The following SSBP3 variants were observed in gnomAD, a reference collection of about 807,000 sequenced individuals.
The protein encoded by SSBP3 is single stranded DNA binding protein 3.
SSBP3 carries 5 observed loss-of-function variants against 69.6 expected under a neutral mutation model. That is an observed-to-expected ratio of 0.07 (90% CI 0.04 to 0.15). SSBP3 has a LOEUF of 0.15. Among genes scored for constraint, SSBP3 ranks in the 10% least tolerant of loss-of-function variants. The probability of loss-of-function intolerance (pLI) is 1.00; values close to 1 mark genes in which losing one functional copy is unlikely to be tolerated. For missense variants in SSBP3, 312 were observed against 534.0 expected, an observed-to-expected ratio of 0.58 and a Z score of 4.10; for synonymous variants, 196 against 193.4, an observed-to-expected ratio of 1.01 and a Z score of -0.11.
chr1:54,246,499 G>A (rs1415072119), intron 9 of SSBP3, among the ~76,000 whole-genome samples: 1 of 152,076 alleles, frequency 6.6e-6, no homozygotes, highest in Non-Finnish European at 1.5e-5. Flanking sequence ...GTCTCAGCAC[G>A]GAGTGGGGTG....
intron 2 of SSBP3, 93 bp from the exon 3 acceptor site, chr1:54,404,730 A>T (rs1183702070): frequency 1.0e-5 from 15 of 1,459,680 alleles, no homozygotes; most frequent in Non-Finnish European, 1.4e-5. Flanking sequence ...ACCAACTAAC[A>T]ATAAATGCCA....
intron 4 of SSBP3, among the ~76,000 whole-genome samples, chr1:54,371,774 C>T (rs767780969): frequency 1.3e-5 from 2 of 152,208 alleles, no homozygotes; most frequent in Non-Finnish European, 2.9e-5. Flanking sequence ...CCAAAGCTGA[C>T]AGGCTCCTGG....
At position 54,243,926 on chromosome 1, in the gene SSBP3, G is replaced by GTT. The variant is rs200412407; in HGVS notation, c.652-629_652-628dup. Among the ~76,000 whole-genome samples the GTT allele has an allele frequency of 9.9e-5, 15 of 151,806 alleles. No homozygotes were observed. In the South Asian group the frequency reaches 1.3e-3, roughly 13 times the overall value. ...AGGGATCATCACTATGTGTGTGTGA[G>GTT]TTTTTTTTTGTTTTGTTTGTTGAGA... is the stretch of plus-strand genomic sequence containing the variant. On this transcript the variant is annotated intron_variant, in intron 9 of 17. Transcript: ENST00000610401.
chr1:54,387,072 C>A (rs1204365979), intron 4 of SSBP3, among the ~76,000 whole-genome samples: 4 of 152,168 alleles, frequency 2.6e-5, no homozygotes, highest in South Asian at 2.1e-4. Flanking sequence ...CCGTTCCATC[C>A]GTCTGTCTTC....
chr1:54,242,916 C>T (rs540575507), intron 10 of SSBP3: 8 of 257,896 alleles, frequency 3.1e-5, no homozygotes, highest in African/African-American at 1.5e-4. Context: ...TGCCACTGTA[C>T]TCCAGCCTGG....
At chr1:54,331,964 T>A (rs1646424702) in intron 4 of SSBP3, among the ~76,000 whole-genome samples, 1 of 152,174 alleles carries the variant, frequency 6.6e-6, no homozygotes, top group South Asian at 2.1e-4. Flanking sequence ...CTTGCTCCCT[T>A]TCATGAAAAT....
intron 14 of SSBP3, chr1:54,237,257 C>A (rs1273071353): frequency 6.6e-6 from 1 of 152,174 alleles, no homozygotes; most frequent in Non-Finnish European, 1.5e-5. Flanking sequence ...ACTGAAAGTC[C>A]CTCGTCCTTT....
intron 7 of SSBP3, among the ~76,000 whole-genome samples, chr1:54,254,266 G>A (rs1002389350): frequency 1.3e-5 from 2 of 152,200 alleles, no homozygotes; most frequent in Non-Finnish European, 2.9e-5. Flanking sequence ...CCCAGGAAAC[G>A]GACAAATCCC....
chr1:54,233,997 C>T (rs1356427620), intron 14 of SSBP3, among the ~76,000 whole-genome samples: 4 of 151,962 alleles, frequency 2.6e-5, no homozygotes, highest in Admixed American at 6.5e-5. Context: ...TTTTGTTCTG[C>T]ACTAAGAAAA....
intron 4 of SSBP3, among the ~76,000 whole-genome samples, chr1:54,366,506 A>C (rs751874354): frequency 5.3e-5 from 8 of 152,190 alleles, no homozygotes; most frequent in Non-Finnish European, 1.2e-4. Flanking sequence ...AAATTAAAGT[A>C]AACTAGGGGC....
intron 4 of SSBP3, among the ~76,000 whole-genome samples, chr1:54,302,676 T>C (rs1212060724): frequency 1.3e-5 from 2 of 152,164 alleles, no homozygotes; most frequent in Non-Finnish European, 2.9e-5. Context: ...CAATAAACAT[T>C]TGTTGAGCAA....
chr1:54,405,057 AAGC>A, intron 1 of SSBP3, 127 bp from the exon 2 acceptor site: 1 of 827,986 alleles, frequency 1.2e-6, no homozygotes, highest in Non-Finnish European at 2.0e-6. Flanking sequence ...GACCAGAGGT[AAGC>A]AGCTAGCTCA....
chr1:54,409,581 A>C (rs1649935786), upstream of SSBP3, among the ~76,000 whole-genome samples: 1 of 152,092 alleles, frequency 6.6e-6, no homozygotes, highest in African/African-American at 2.4e-5. Context: ...GATACCACCA[A>C]CAATAGGGTT....
chr1:54,348,506 A>C (rs1646727958), intron 4 of SSBP3, among the ~76,000 whole-genome samples: 2 of 152,124 alleles, frequency 1.3e-5, no homozygotes, highest in Admixed American at 6.5e-5. Context: ...CTACCCACAC[A>C]GCTGCCGCAC....
intron 4 of SSBP3, among the ~76,000 whole-genome samples, chr1:54,322,951 C>T (rs1356239087): frequency 6.6e-6 from 1 of 152,344 alleles, no homozygotes; most frequent in East Asian, 1.9e-4. Context: ...CAGGACAAAA[C>T]TGACAAATAA....
chr1:54,306,058 C>T (rs1243063041), intron 4 of SSBP3, among the ~76,000 whole-genome samples: 22 of 151,870 alleles, frequency 1.4e-4, no homozygotes, highest in Admixed American at 1.4e-3. Context: ...GGTTCTCCCT[C>T]TCCCATCCTA....
At chr1:54,311,818 C>T (rs1266897019) in intron 4 of SSBP3, among the ~76,000 whole-genome samples, 1 of 152,110 alleles carries the variant, frequency 6.6e-6, no homozygotes, top group Non-Finnish European at 1.5e-5. Context: ...TAGAAATAGT[C>T]CTTGTATGAC....
At chr1:54,303,652 A>C (rs1249569368) in intron 4 of SSBP3, among the ~76,000 whole-genome samples, 1 of 152,192 alleles carries the variant, frequency 6.6e-6, no homozygotes, top group Non-Finnish European at 1.5e-5. Context: ...TTAAATCTTT[A>C]CACTCACACG....
At chr1:54,348,259 G>A (rs867417307) in intron 4 of SSBP3, among the ~76,000 whole-genome samples, 3 of 117,538 alleles carry the variant, frequency 2.6e-5, no homozygotes, top group South Asian at 3.7e-4. Flanking sequence ...GGGGGGGGGG[G>A]GCGGGTGAGG....
Sources: gnomAD v4.1 joint callset for allele counts (sites outside exome capture counted in the v4.1 genomes callset) on GRCh38, gnomAD v4.1.1 for gene constraint, MANE v1.5 for transcripts, NCBI Gene and HGNC (gene_info 2026-07-23, HGNC 2026-07-21) for gene names.